DOCK5: variants seen among roughly 807,000 people sequenced by gnomAD.
The protein encoded by DOCK5 is dedicator of cytokinesis protein 5.
A neutral mutation model predicts 251.8 loss-of-function variants in DOCK5; 142 were observed. That is an observed-to-expected ratio of 0.56 (90% CI 0.49 to 0.65). DOCK5 has a LOEUF of 0.65. DOCK5 is among the 30% of genes least tolerant of loss of function. The pLI, the probability that DOCK5 is intolerant of heterozygous loss-of-function variation, is 0.00. For synonymous variants in DOCK5, 842 were observed against 835.5 expected (o/e 1.01, Z -0.13); for missense variants, 2,111 against 2,312.3 (o/e 0.91, Z 1.79).
chr8:25,296,757 G>T (rs551826351), intron 7 of DOCK5, 109 bp downstream of exon 7: 11 of 1,397,472 alleles, frequency 7.9e-6, no homozygotes, highest in Non-Finnish European at 1.1e-5. Flanking sequence ...TGTAGTTTTC[G>T]TCCTCATTTT....
At chr8:25,296,685 G>A in intron 7 of DOCK5, 37 bp downstream of exon 7, 1 of 1,603,552 alleles carries the variant, frequency 6.2e-7, no homozygotes, top group Non-Finnish European at 8.5e-7. Flanking sequence ...GCCCACTGAG[G>A]TTCCATTTTT....
chr8:25,341,049 G>A (rs554204971), intron 23 of DOCK5, 61 bp downstream of exon 23: 45 of 1,297,598 alleles, frequency 3.5e-5, no homozygotes, highest in African/African-American at 1.5e-4. Context: ...TTCTGGGACC[G>A]CTTAGAATTG....
At chr8:25,318,306 G>A (rs1805316541) in intron 14 of DOCK5, among the ~76,000 whole-genome samples, 1 of 151,768 alleles carries the variant, frequency 6.6e-6, no homozygotes, top group African/African-American at 2.4e-5. Context: ...AGCCAGGCTG[G>A]TCTCGAACTC....
chr8:25,272,913 C>T (rs1220396679), intron 3 of DOCK5, among the ~76,000 whole-genome samples: 1 of 152,088 alleles, frequency 6.6e-6, no homozygotes, highest in Non-Finnish European at 1.5e-5. Context: ...TACTTTCTGT[C>T]TTTATGAATT....
rs749956253 is a variant in DOCK5 at position 25,377,293 on chromosome 8, C to T, written c.3817-12C>T. 3 of 1,600,360 alleles carry T rather than the reference C, an allele frequency of 1.9e-6. No homozygotes were observed. The highest frequency in any genetic ancestry group is 1.3e-5 in the African/African-American group (1 of 74,078). ...GTTGTATTAACCGTGTGTCGCTTTT[C>T]TTCCTTTTCAGTGGTCTGACAAGCC... On this transcript the variant is annotated splice_polypyrimidine_tract_variant and intron_variant, in intron 37 of 51. Transcript: ENST00000276440.
rs1801632038 is a variant in DOCK5, at chr8:25,411,535, G to A, written c.*237G>A. 2.2e-6 allele frequency: 1 copy of A among 450,966 alleles called. No homozygotes were observed. The highest frequency in any genetic ancestry group is 3.6e-6 in the Non-Finnish European group (1 of 274,722). 27.9% of individuals were successfully genotyped at this position (450,966 alleles called of 1,614,324 possible). Reference sequence around the variant, plus strand: ...AATTCCAGAATCAGTCACAGCCTCTGATTTTTTCCAAGAAGAGATTGCCTT... The same window carrying A: ...AATTCCAGAATCAGTCACAGCCTCTAATTTTTTCCAAGAAGAGATTGCCTT... On this transcript the variant is annotated 3_prime_UTR_variant, in exon 52 of 52. Transcript: ENST00000276440.
chr8:25,410,508 C>G (rs1801603133), intron 51 of DOCK5, among the ~76,000 whole-genome samples: 1 of 152,020 alleles, frequency 6.6e-6, no homozygotes, highest in Non-Finnish European at 1.5e-5. Flanking sequence ...GTCACCCAGG[C>G]TGGAGTGCAA....
chr8:25,244,642 C>T (rs944756448), intron 2 of DOCK5, among the ~76,000 whole-genome samples: 12 of 152,108 alleles, frequency 7.9e-5, no homozygotes, highest in Non-Finnish European at 1.5e-4. Context: ...AGATGGTCCG[C>T]GAGGACCCCG....
chr8:25,242,127 A>C (rs182580183), intron 1 of DOCK5, among the ~76,000 whole-genome samples: 1 of 152,134 alleles, frequency 6.6e-6, no homozygotes, highest in Non-Finnish European at 1.5e-5. Context: ...TGTTCTGCAC[A>C]TATATCCCAG....
At chr8:25,264,392 C>A (rs908915796) in intron 2 of DOCK5, among the ~76,000 whole-genome samples, 2 of 151,200 alleles carry the variant, frequency 1.3e-5, no homozygotes, top group African/African-American at 4.9e-5. Context: ...ACAAAAAAAA[C>A]CTCATCAATG....
chr8:25,188,275 G>A (rs1801482962), intron 1 of DOCK5, among the ~76,000 whole-genome samples: 1 of 152,214 alleles, frequency 6.6e-6, no homozygotes, highest in Non-Finnish European at 1.5e-5. Flanking sequence ...AAACAAGGAA[G>A]CATGGAGCAG....
rs1475609961 is a variant in DOCK5 at position 25,413,631 on chromosome 8, T to C, written c.*2333T>C. ...AAAAACCAAACCTCAAGGCTATCCT[T>C]CCAGAGCAGTAGAAATGAGTCCCAC... On this transcript the variant is annotated 3_prime_UTR_variant, in exon 52 of 52. Transcript: ENST00000276440. 1 of 152,192 alleles carries C rather than the reference T, an allele frequency of 6.6e-6. No individual in the cohort carries two copies. Among genetic ancestry groups the C allele is most frequent in the Non-Finnish European group, 1.5e-5 (1 of 68,050 alleles). 9.4% of individuals were successfully genotyped at this position (152,192 alleles called of 1,614,324 possible).
chr8:25,339,880 A>T (rs1364138758), intron 22 of DOCK5, among the ~76,000 whole-genome samples: 1 of 152,284 alleles, frequency 6.6e-6, no homozygotes, highest in Admixed American at 6.5e-5. Context: ...TGGAAAATGG[A>T]TTATCGAAGG....
chr8:25,253,464 C>A (rs1586267507), intron 2 of DOCK5, among the ~76,000 whole-genome samples: 1 of 152,148 alleles, frequency 6.6e-6, no homozygotes. Context: ...GTCTTCACAC[C>A]CCTGATTGCT....
At chr8:25,192,571 T>C (rs1379830083) in intron 1 of DOCK5, among the ~76,000 whole-genome samples, 2 of 152,132 alleles carry the variant, frequency 1.3e-5, no homozygotes, top group Non-Finnish European at 2.9e-5. Context: ...AGTGGTGCAA[T>C]CTCGGCTCAC....
intron 11 of DOCK5, chr8:25,305,269 T>G (rs1804874925): frequency 6.8e-6 from 1 of 147,980 alleles, no homozygotes; most frequent in African/African-American, 2.5e-5. Context: ...TATCACAAAT[T>G]AGTGGAGAAA....
At chr8:25,341,853 C>G (rs1380550677) in intron 24 of DOCK5, 44 bp downstream of exon 24, 5 of 1,482,628 alleles carry the variant, frequency 3.4e-6, no homozygotes, top group South Asian at 2.4e-5. Flanking sequence ...CTAACAGAAA[C>G]AGCTCCCCTG....
chr8:25,376,407 A>G (rs1586375954), intron 37 of DOCK5: 1 of 977,862 alleles, frequency 1.0e-6, no homozygotes, highest in Non-Finnish European at 1.2e-6. Flanking sequence ...GGGGGAGGGA[A>G]TCTCTTTCTA....
In DOCK5 at chr8:25,374,609, C is replaced by T. The variant is rs145227662; in HGVS notation, c.3771C>T (p.Tyr1257=). The T allele has an allele frequency of 5.6e-6, 9 of 1,613,640 alleles. No homozygotes were observed. The highest frequency in any genetic ancestry group is 7.6e-6 in the Non-Finnish European group (9 of 1,179,850). The change falls in exon 37 of 52, where the codon TAC becomes TAT. Residue 1257 remains tyrosine (Y), a synonymous_variant. Transcript: ENST00000276440. ...ATTTGCACCGAGACTGTGAGAACTA[C>T]ACAGAAGCTGCCTACACGCTTCTCT... ...LRDLHRDCEN[Y]TEAAYTLLLH... is the part of the protein sequence containing the mutation.
Sources: allele counts gnomAD v4.1 joint callset (sites outside exome capture counted in the v4.1 genomes callset), GRCh38; gene constraint gnomAD v4.1.1; transcripts MANE v1.5; gene names NCBI Gene and HGNC (gene_info 2026-07-23, HGNC 2026-07-21).